EPHA7: variants seen among roughly 807,000 people sequenced by gnomAD.
EPHA7 encodes the protein EPH receptor A7.
Under a neutral mutation model 112.6 loss-of-function variants are expected in EPHA7, and 25 were observed. The observed-to-expected ratio is 0.22, with a 90% CI of 0.16 to 0.31. The LOEUF is 0.31. Ranked by LOEUF, EPHA7 falls within the 10% of genes least tolerant of loss-of-function variation. The pLI is 1.00. For missense variants in EPHA7, 962 were observed against 1,212.6 expected (o/e 0.79, Z 3.07); for synonymous variants, 437 against 406.5 (o/e 1.07, Z -0.90).
intron 14 of EPHA7, among the ~76,000 whole-genome samples, chr6:93,252,892 T>C (rs1770276019): frequency 6.6e-6 from 1 of 152,022 alleles, no homozygotes; most frequent in Non-Finnish European, 1.5e-5. Flanking sequence ...AATAAAATAT[T>C]AATCCTTGGT....
At chr6:93,304,361 C>G (rs765553180) in intron 5 of EPHA7, among the ~76,000 whole-genome samples, 1 of 151,988 alleles carries the variant, frequency 6.6e-6, no homozygotes, top group African/African-American at 2.4e-5. Flanking sequence ...ACAAGGTAAA[C>G]TAACGGAGTT....
At chr6:93,338,325 G>T (rs1462163567) in intron 5 of EPHA7, among the ~76,000 whole-genome samples, 1 of 151,926 alleles carries the variant, frequency 6.6e-6, no homozygotes, top group Non-Finnish European at 1.5e-5. Context: ...TCTAAGCAGG[G>T]TGTATGTGTT....
intron 3 of EPHA7, among the ~76,000 whole-genome samples, chr6:93,394,660 C>A (rs915122535): frequency 6.6e-6 from 1 of 151,674 alleles, no homozygotes; most frequent in African/African-American, 2.4e-5. Context: ...TTAATAAGTA[C>A]AAATAAACAA....
At position 93,400,547 on chromosome 6, in the gene EPHA7, T is replaced by C. The variant is rs566064361; in HGVS notation, c.832+9954A>G. On this transcript the variant is annotated intron_variant, in intron 3 of 16. Transcript: ENST00000369303. ...CTGCCCTGCTTTTTTGTTTGTTTTGTTTAGAAACAAGGTCTAACTGTCACC... is the reference window on the plus strand; with the variant it reads ...CTGCCCTGCTTTTTTGTTTGTTTTGCTTAGAAACAAGGTCTAACTGTCACC... Among the ~76,000 whole-genome samples the C allele has an allele frequency of 1.2e-3, 176 of 152,200 alleles. 2 individuals are homozygous for C. The highest frequency in any genetic ancestry group is 4.0e-3 in the African/African-American group (167 of 41,546).
intron 5 of EPHA7, among the ~76,000 whole-genome samples, chr6:93,308,685 C>T (rs1773381360): frequency 6.6e-6 from 1 of 151,602 alleles, no homozygotes; most frequent in African/African-American, 2.4e-5. Context: ...CATAGGTATT[C>T]AACTATATAG....
rs149799956 is a variant in EPHA7 at position 93,254,899 on chromosome 6, C to T, written c.2383-103G>A. On this transcript the variant is annotated intron_variant, in intron 13 of 16. Coordinates refer to ENST00000369303, the MANE Select transcript of EPHA7 (RefSeq NM_004440.4). Reference sequence around the variant, plus strand: ...TGTGCATTTTTGGTTGGTAGTTCAGCAGCATCAGGTCTACCCATCTTGAAT... The same window carrying T: ...TGTGCATTTTTGGTTGGTAGTTCAGTAGCATCAGGTCTACCCATCTTGAAT... 5.1e-4 allele frequency: 445 copies of T among 869,688 alleles called. 3 individuals carry two copies. The East Asian group carries it at 0.011, about 22-fold the overall frequency. The allele number at this position is 869,688 out of a possible 1,614,324, so 53.9% of individuals were successfully genotyped here.
intron 3 of EPHA7, among the ~76,000 whole-genome samples, chr6:93,390,982 T>A (rs1055063852): frequency 2.0e-5 from 3 of 151,980 alleles, no homozygotes; most frequent in Admixed American, 6.6e-5. Flanking sequence ...TTTTGTTGTG[T>A]TTGATCTACT....
chr6:93,257,653 A>ATTG (rs1770498826), intron 11 of EPHA7, 130 bp from the exon 12 acceptor site: 1 of 619,002 alleles, frequency 1.6e-6, no homozygotes, highest in East Asian at 2.8e-5. Context: ...CATTTCTTTT[A>ATTG]TTGTTGCTGC....
At chr6:93,389,609 T>C (rs1296891430) in intron 3 of EPHA7, among the ~76,000 whole-genome samples, 56 of 152,042 alleles carry the variant, frequency 3.7e-4, no homozygotes, top group Admixed American at 3.7e-3. Flanking sequence ...TAAATTCTTG[T>C]CAGAGGAAAA....
intron 5 of EPHA7, among the ~76,000 whole-genome samples, chr6:93,317,776 G>A (rs1773882746): frequency 6.6e-6 from 1 of 152,098 alleles, no homozygotes; most frequent in East Asian, 1.9e-4. Context: ...GTTGTGTCTA[G>A]CACCTACAAT....
intron 3 of EPHA7, among the ~76,000 whole-genome samples, chr6:93,392,106 A>C (rs1777939268): frequency 6.6e-6 from 1 of 151,944 alleles, no homozygotes; most frequent in Non-Finnish European, 1.5e-5. Flanking sequence ...AATTCCTTCC[A>C]TCTCAGGATT....
chr6:93,329,840 T>A (rs1212815253), intron 5 of EPHA7, among the ~76,000 whole-genome samples: 4 of 151,156 alleles, frequency 2.6e-5, no homozygotes, highest in Non-Finnish European at 5.9e-5. Context: ...ATTACACTCA[T>A]CAGCTGAAGT....
At chr6:93,267,658 T>C (rs1442473153) in intron 7 of EPHA7, among the ~76,000 whole-genome samples, 1 of 151,712 alleles carries the variant, frequency 6.6e-6, no homozygotes, top group East Asian at 1.9e-4. Context: ...AATGCAAAAA[T>C]CCATTCTTAA....
intron 5 of EPHA7, among the ~76,000 whole-genome samples, chr6:93,317,043 A>C (rs547202786): frequency 6.6e-6 from 1 of 152,130 alleles, no homozygotes; most frequent in Non-Finnish European, 1.5e-5. Flanking sequence ...CTCTTTCCTA[A>C]ACATATAATA....
Position 93,258,261 on chromosome 6 carries a change from C to T in EPHA7, c.1948G>A (p.Gly650Ser). The change falls in exon 11 of 17, where the codon GGC becomes AGC. Residue 650 changes from glycine to serine, a missense_variant. Coordinates refer to ENST00000369303, the MANE Select transcript of EPHA7 (RefSeq NM_004440.4). ...CTTTTCCCTGGAAGTTTCAAACGGCCACTGCAGACTTCACCGAATTCTCCT... is the reference window on the plus strand; with the variant it reads ...CTTTTCCCTGGAAGTTTCAAACGGCTACTGCAGACTTCACCGAATTCTCCT... Reference protein sequence around the residue: ...GAGEFGEVCSGRLKLPGKRDV... With the variant: ...GAGEFGEVCSSRLKLPGKRDV... 1 of 1,609,824 alleles carries T rather than the reference C, an allele frequency of 6.2e-7. No individual in the cohort carries two copies. The highest frequency in any genetic ancestry group is 8.5e-7 in the Non-Finnish European group (1 of 1,177,724).
At chr6:93,369,180 CCACACACACACA>C (rs35708007) in intron 3 of EPHA7, among the ~76,000 whole-genome samples, 66 of 144,914 alleles carry the variant, frequency 4.6e-4, no homozygotes, top group Non-Finnish European at 7.3e-4. Flanking sequence ...AAAATAAAGG[CCACACACACACA>C]CACACACACA....
At chr6:93,409,658 ATAACT>A (rs1287222617) in intron 3 of EPHA7, 1 of 151,932 alleles carries the variant, frequency 6.6e-6, no homozygotes, top group African/African-American at 2.4e-5. Context: ...CACTAGTAAC[ATAACT>A]TTATAATTTA....
chr6:93,327,751 C>T (rs901231601), intron 5 of EPHA7, among the ~76,000 whole-genome samples: 1 of 151,458 alleles, frequency 6.6e-6, no homozygotes, highest in African/African-American at 2.4e-5. Context: ...TGCTACCACC[C>T]TAGTGAAAGC....
At chr6:93,343,240 T>A (rs2127924284) in intron 5 of EPHA7, among the ~76,000 whole-genome samples, 1 of 151,764 alleles carries the variant, frequency 6.6e-6, no homozygotes, top group African/African-American at 2.4e-5. Context: ...ATAATCAAAT[T>A]TTTATAATCA....
Sources: gnomAD v4.1 joint callset for allele counts (sites outside exome capture counted in the v4.1 genomes callset) on GRCh38, gnomAD v4.1.1 for gene constraint, MANE v1.5 for transcripts, NCBI Gene and HGNC (gene_info 2026-07-23, HGNC 2026-07-21) for gene names.